The following EFCAB6 variants were observed in gnomAD, a reference collection of about 807,000 sequenced individuals.
EFCAB6 encodes the protein EF-hand calcium binding domain 6, also known as EF-hand calcium-binding domain-containing protein 6.
EFCAB6 carries 156 observed loss-of-function variants against 169.8 expected under a neutral mutation model. That is an observed-to-expected ratio of 0.92 (90% CI 0.81 to 1.05). The LOEUF (loss-of-function observed/expected upper bound fraction) is 1.05, where lower values mean the gene tolerates loss of function less well. EFCAB6 is among the 50% of genes least tolerant of loss of function. EFCAB6 has a pLI of 0.00. For synonymous variants in EFCAB6, 698 were observed against 676.4 expected (o/e 1.03, Z -0.50); for missense variants, 1,800 against 1,829.1 (o/e 0.98, Z 0.29).
intron 20 of EFCAB6, among the ~76,000 whole-genome samples, chr22:43,624,742 G>A (rs1241679998): frequency 6.6e-6 from 1 of 152,158 alleles, no homozygotes; most frequent in Non-Finnish European, 1.5e-5. Context: ...AGGAGCATCT[G>A]GGTCTTATTC....
chr22:43,719,989 TAA>T (rs543847993), intron 8 of EFCAB6, among the ~76,000 whole-genome samples: 64 of 152,258 alleles, frequency 4.2e-4, no homozygotes, highest in African/African-American at 1.5e-3. Context: ...TGAAATTTGC[TAA>T]GAGAATAGAT....
At chr22:43,637,253 C>G (rs751433202) in intron 17 of EFCAB6, among the ~76,000 whole-genome samples, 2 of 152,304 alleles carry the variant, frequency 1.3e-5, no homozygotes, top group Middle Eastern at 3.4e-3. Flanking sequence ...GCCCCTCACA[C>G]TAGAGCTGTA....
intron 22 of EFCAB6, among the ~76,000 whole-genome samples, chr22:43,601,756 T>C (rs1409507259): frequency 6.6e-6 from 1 of 152,228 alleles, no homozygotes; most frequent in East Asian, 1.9e-4. Context: ...AAATGTTGCT[T>C]CACGCACTTG....
chr22:43,726,732 A>ATC (rs1210332287), intron 8 of EFCAB6, among the ~76,000 whole-genome samples: 2 of 152,182 alleles, frequency 1.3e-5, no homozygotes, highest in African/African-American at 4.8e-5. Context: ...CTTTGCCCAA[A>ATC]TCTCTGGCCA....
chr22:43,731,780 T>C lies in EFCAB6; in HGVS notation c.676A>G (p.Thr226Ala). The change falls in exon 8 of 32, where the codon ACT becomes GCT. Residue 226 changes from threonine to alanine, a missense_variant. Thr to Ala is a moderately conservative substitution (Grantham distance 58, BLOSUM62 0). Coordinates refer to ENST00000262726, the MANE Select transcript of EFCAB6 (RefSeq NM_022785.4). ...FSKHYNIHKD[T>A]AVDYNVFLKN... ...AAAAACACGTTGTAATCTACTGCAG[T>C]ATCCTTGTGGATGTTGTAGTGTTTC... 6 of 1,597,146 alleles carry C rather than the reference T, an allele frequency of 3.8e-6. No homozygotes were observed. The highest frequency in any genetic ancestry group is 5.1e-6 in the Non-Finnish European group (6 of 1,173,828).
At chr22:43,568,284 G>T (rs1158664879) in intron 26 of EFCAB6, among the ~76,000 whole-genome samples, 1 of 152,192 alleles carries the variant, frequency 6.6e-6, no homozygotes, top group South Asian at 2.1e-4. Flanking sequence ...TTACCTTCCT[G>T]GGTGTGTGAT....
chr22:43,620,987 C>A (rs2054075244), intron 20 of EFCAB6, among the ~76,000 whole-genome samples: 1 of 152,088 alleles, frequency 6.6e-6, no homozygotes, highest in Non-Finnish European at 1.5e-5. Flanking sequence ...ATAAAACAAA[C>A]CTTAACTAAT....
At chr22:43,536,921 T>A (rs988834772) in intron 29 of EFCAB6, 2 of 154,158 alleles carry the variant, frequency 1.3e-5, no homozygotes, top group Admixed American at 6.5e-5. Flanking sequence ...ACTGGAAGTA[T>A]AAATCCCACT....
chr22:43,634,089 A>T (rs116751364), intron 18 of EFCAB6, among the ~76,000 whole-genome samples: 7,203 of 152,234 alleles, frequency 0.047, 595 homozygotes, highest in African/African-American at 0.16. Flanking sequence ...GTCCAGTTCC[A>T]GCTGTGACGG....
intron 24 of EFCAB6, among the ~76,000 whole-genome samples, chr22:43,588,785 A>G (rs771332165): frequency 1.7e-4 from 26 of 152,198 alleles, no homozygotes; most frequent in Non-Finnish European, 2.9e-4. Flanking sequence ...TTAGTAGGAG[A>G]ATAAGTACAT....
chr22:43,624,412 T>C (rs1364449567), intron 20 of EFCAB6, among the ~76,000 whole-genome samples: 1 of 152,090 alleles, frequency 6.6e-6, no homozygotes, highest in African/African-American at 2.4e-5. Context: ...GGTGACGTCC[T>C]TCACAGCCCG....
intron 27 of EFCAB6, among the ~76,000 whole-genome samples, chr22:43,551,438 G>A (rs956064523): frequency 4.6e-5 from 7 of 152,184 alleles, no homozygotes; most frequent in South Asian, 2.1e-4. Context: ...CCTAATATTC[G>A]TGCCAGAGTT....
chr22:43,579,736 T>C (rs2050585902), intron 25 of EFCAB6, among the ~76,000 whole-genome samples: 2 of 150,744 alleles, frequency 1.3e-5, no homozygotes, highest in East Asian at 2.0e-4. Flanking sequence ...GCAGGCATCA[T>C]TCCCTACACA....
chr22:43,642,976 G>A (rs1190300463), intron 17 of EFCAB6, among the ~76,000 whole-genome samples: 1 of 152,158 alleles, frequency 6.6e-6, no homozygotes, highest in Admixed American at 6.5e-5. Flanking sequence ...TGACAGCCAC[G>A]GTGTGCCTGA....
At chr22:43,619,208 G>A (rs557300755) in intron 20 of EFCAB6, among the ~76,000 whole-genome samples, 14 of 152,220 alleles carry the variant, frequency 9.2e-5, no homozygotes, top group Admixed American at 7.2e-4. Flanking sequence ...ACTTCTAGGT[G>A]GTGCACACGT....
rs1569487355 is a variant in EFCAB6, at chr22:43,784,576, T to TATATATGTATAC, written c.-7-2252_-7-2251insGTATACATATAT. Among the ~76,000 whole-genome samples the TATATATGTATAC allele has an allele frequency of 5.9e-3, 500 of 84,068 alleles. 42 individuals carry two copies. Among genetic ancestry groups the TATATATGTATAC allele is most frequent in the African/African-American group, 0.021 (466 of 21,938 alleles). 55.2% of individuals were successfully genotyped at this position (84,068 alleles called of 152,430 possible). A position where few individuals can be genotyped will look rare whatever the true frequency, so the allele number is the denominator to read the frequency against. On this transcript the variant is annotated intron_variant, in intron 2 of 31. Transcript: ENST00000262726. ...ATATATACACATATATATGTGTACA[T>TATATATGTATAC]ATACACATATATATGTATATATACA... is the stretch of plus-strand genomic sequence containing the variant.
intron 3 of EFCAB6, among the ~76,000 whole-genome samples, chr22:43,777,874 C>T (rs1437269492): frequency 6.6e-6 from 1 of 152,198 alleles, no homozygotes; most frequent in African/African-American, 2.4e-5. Context: ...CAGTAACCAA[C>T]CTTGCAGAAC....
chr22:43,749,781 C>T (rs901339652), intron 6 of EFCAB6, among the ~76,000 whole-genome samples: 29 of 152,188 alleles, frequency 1.9e-4, no homozygotes, highest in African/African-American at 6.0e-4. Context: ...CGTAAGAACT[C>T]GCATGCTTTG....
At chr22:43,724,316 T>C (rs2059641753) in intron 8 of EFCAB6, among the ~76,000 whole-genome samples, 1 of 152,038 alleles carries the variant, frequency 6.6e-6, no homozygotes. Context: ...CATTTCCATC[T>C]CAGACCTTGT....
Sources: allele counts gnomAD v4.1 joint callset (sites outside exome capture counted in the v4.1 genomes callset), GRCh38; gene constraint gnomAD v4.1.1; transcripts MANE v1.5; gene names NCBI Gene and HGNC (gene_info 2026-07-23, HGNC 2026-07-21).